The following FDFT1 variants were observed in gnomAD, a reference collection of about 807,000 sequenced individuals.
FDFT1 encodes farnesyl-diphosphate farnesyltransferase 1, also known as squalene synthase.
A neutral mutation model predicts 46.8 loss-of-function variants in FDFT1; 68 were observed. That is an observed-to-expected ratio of 1.45 (90% CI 1.19 to 1.78). The LOEUF (loss-of-function observed/expected upper bound fraction) is 1.78, where lower values mean the gene tolerates loss of function less well. Among genes scored for constraint, FDFT1 ranks in the 40% most tolerant of loss-of-function variants. The pLI is 0.00. For missense variants in FDFT1, 928 were observed against 524.4 expected (o/e 1.77, Z -7.52); for synonymous variants, 351 against 185.1 (o/e 1.90, Z -7.28).
intron 3 of FDFT1, among the ~76,000 whole-genome samples, chr8:11,816,469 T>C (rs755072956): frequency 6.6e-6 from 1 of 152,234 alleles, no homozygotes; most frequent in Non-Finnish European, 1.5e-5. Flanking sequence ...AGTATAGCCA[T>C]TTTCACGATA....
chr8:11,838,338 G>A, intron 7 of FDFT1, 50 bp from the exon 8 acceptor site: 1 of 1,438,366 alleles, frequency 7.0e-7, no homozygotes, highest in South Asian at 1.2e-5. Flanking sequence ...AGTAGCCATG[G>A]AAAATGTAAA....
chr8:11,810,474 C>T (rs989303504), intron 3 of FDFT1, among the ~76,000 whole-genome samples: 4 of 152,168 alleles, frequency 2.6e-5, no homozygotes, highest in Admixed American at 6.5e-5. Flanking sequence ...TTTGTGTCTC[C>T]GTCTCCTCGT....
intron 3 of FDFT1, 182 bp downstream of exon 3, chr8:11,810,032 A>G: frequency 1.8e-6 from 1 of 544,584 alleles, no homozygotes; most frequent in Non-Finnish European, 3.2e-6. Context: ...TGGAATCTCA[A>G]ATCTCCCACT....
At chr8:11,799,821 C>T (rs939508644), upstream of FDFT1, among the ~76,000 whole-genome samples, 2 of 151,894 alleles carry the variant, frequency 1.3e-5, no homozygotes, top group Admixed American at 1.3e-4. Flanking sequence ...TGGTACATGC[C>T]TGTAGTTCCA....
intron 3 of FDFT1, among the ~76,000 whole-genome samples, chr8:11,818,917 C>T (rs780541478): frequency 1.3e-5 from 2 of 152,122 alleles, no homozygotes; most frequent in South Asian, 2.1e-4. Flanking sequence ...GGTTATTTTG[C>T]CCATTAATTG....
chr8:11,801,176 G>A (rs1171173848), upstream of FDFT1, among the ~76,000 whole-genome samples: 1 of 152,160 alleles, frequency 6.6e-6, no homozygotes, highest in Non-Finnish European at 1.5e-5. Flanking sequence ...AAAAGTCCTA[G>A]GGCCAGAGAA....
intron 1 of FDFT1, chr8:11,808,482 C>G (rs1807200545): frequency 1.5e-6 from 2 of 1,325,258 alleles, no homozygotes; most frequent in Non-Finnish European, 1.9e-6. Flanking sequence ...CTGCTTGAGT[C>G]TATGGAGGAA....
intron 1 of FDFT1, among the ~76,000 whole-genome samples, chr8:11,806,973 T>A (rs1488495800): frequency 6.6e-6 from 1 of 152,192 alleles, no homozygotes; most frequent in Admixed American, 6.5e-5. Flanking sequence ...ATTATGTGAT[T>A]TAAAAGATTG....
chr8:11,839,049 T>C lies in FDFT1; in HGVS notation c.*440T>C, dbSNP rs1332977736. ...ATTTTTCTCATCATTTTGTTTTCTT[T>C]AATTGGGTTGAATGGAGTAGATAGA... On this transcript the variant is annotated 3_prime_UTR_variant, in exon 8 of 8. Coordinates refer to ENST00000220584, the MANE Select transcript of FDFT1 (RefSeq NM_004462.5). 5.7e-6 allele frequency: 1 copy of C among 174,624 alleles called. No homozygotes were observed. The highest frequency in any genetic ancestry group is 1.2e-5 in the Non-Finnish European group (1 of 80,736). The allele number at this position is 174,624 out of a possible 1,614,324, so 10.8% of individuals were successfully genotyped here. A position where few individuals can be genotyped will look rare whatever the true frequency, so the allele number is the denominator to read the frequency against.
intron 5 of FDFT1, among the ~76,000 whole-genome samples, chr8:11,828,766 TGTG>T (rs1810364501): frequency 6.6e-6 from 1 of 152,248 alleles, no homozygotes; most frequent in African/African-American, 2.4e-5. Flanking sequence ...TCATGCCAAA[TGTG>T]GTCCTAGGTG....
intron 3 of FDFT1, among the ~76,000 whole-genome samples, chr8:11,812,599 T>C (rs1807881581): frequency 1.3e-5 from 2 of 152,222 alleles, no homozygotes; most frequent in Admixed American, 1.3e-4. Flanking sequence ...AAAGATAAGT[T>C]TGTCAGTGCA....
intron 1 of FDFT1, among the ~76,000 whole-genome samples, chr8:11,805,115 C>T (rs774232235): frequency 1.3e-5 from 2 of 151,994 alleles, no homozygotes; most frequent in African/African-American, 4.8e-5. Flanking sequence ...CAATGTCTCG[C>T]TGCATTGCCC....
intron 1 of FDFT1, among the ~76,000 whole-genome samples, chr8:11,796,228 A>G (rs1805550705): frequency 6.6e-6 from 1 of 152,222 alleles, no homozygotes; most frequent in South Asian, 2.1e-4. Flanking sequence ...GTTAATGGAA[A>G]AAGTGCTGTG....
chr8:11,826,407 C>T (rs567669273), intron 5 of FDFT1, among the ~76,000 whole-genome samples, 192 bp downstream of exon 5: 2 of 152,182 alleles, frequency 1.3e-5, no homozygotes, highest in Non-Finnish European at 2.9e-5. Flanking sequence ...ATTCACACCA[C>T]GTAATCAGTA....
chr8:11,818,470 C>G (rs1395582573), intron 3 of FDFT1, among the ~76,000 whole-genome samples: 4 of 152,166 alleles, frequency 2.6e-5, no homozygotes, highest in African/African-American at 2.4e-5. Flanking sequence ...ATGTTAGACT[C>G]GCACACAATA....
At chr8:11,803,107 G>C in intron 1 of FDFT1, 176 bp downstream of exon 1, 1 of 1,428,808 alleles carries the variant, frequency 7.0e-7, no homozygotes, top group Non-Finnish European at 9.1e-7. Flanking sequence ...GGTGGACGCG[G>C]CCGTCCTGGC....
rs761503754 is a variant in FDFT1 at position 11,802,878 on chromosome 8, C to G, written c.46C>G (p.Leu16Val). 1 of 1,612,352 alleles carries G rather than the reference C, an allele frequency of 6.2e-7. No individual in the cohort carries two copies. The change falls in exon 1 of 8, where the codon CTG becomes GTG. Residue 16 changes from leucine (L) to valine (V), a missense_variant. Coordinates refer to ENST00000220584, the MANE Select transcript of FDFT1 (RefSeq NM_004462.5). ...TGGCCACCCCGAAGAGTTCTACAACCTGGTGCGCTTCCGGATCGGGGGCAA... is the reference window on the plus strand; with the variant it reads ...TGGCCACCCCGAAGAGTTCTACAACGTGGTGCGCTTCCGGATCGGGGGCAA... ...CLGHPEEFYN[L>V]VRFRIGGKRK...
chr8:11,808,706 C>T (rs1171337467), intron 1 of FDFT1, 88 bp from the exon 2 acceptor site: 3 of 1,454,328 alleles, frequency 2.1e-6, no homozygotes, highest in Non-Finnish European at 1.8e-6. Context: ...GCCGCCTGCC[C>T]CAGTCCCACT....
chr8:11,830,666 T>C (rs1481389794), intron 6 of FDFT1, among the ~76,000 whole-genome samples: 2 of 152,224 alleles, frequency 1.3e-5, no homozygotes, highest in African/African-American at 4.8e-5. Flanking sequence ...ACAGCTATCC[T>C]AAACTAGTTA....
Sources: gnomAD v4.1 joint callset for allele counts (sites outside exome capture counted in the v4.1 genomes callset) on GRCh38, gnomAD v4.1.1 for gene constraint, MANE v1.5 for transcripts, NCBI Gene and HGNC (gene_info 2026-07-23, HGNC 2026-07-21) for gene names.